Variants in PRDM11 observed in about 807,000 individuals in gnomAD.
The protein encoded by PRDM11 is PR domain-containing protein 11.
Under a neutral mutation model 97.8 loss-of-function variants are expected in PRDM11, and 20 were observed. The observed-to-expected ratio is 0.20, with a 90% CI of 0.14 to 0.30. The LOEUF is 0.30. Among genes scored for constraint, PRDM11 ranks in the 10% least tolerant of loss-of-function variants. The pLI is 1.00. For missense variants in PRDM11, 1,139 were observed against 1,555.2 expected (o/e 0.73, Z 4.50); for synonymous variants, 599 against 637.7 (o/e 0.94, Z 0.91).
chr11:45,135,028 C>T (rs1303404509), intron 1 of PRDM11, among the ~76,000 whole-genome samples: 1 of 151,908 alleles, frequency 6.6e-6, no homozygotes, highest in Non-Finnish European at 1.5e-5. Context: ...CAGTTGTAGA[C>T]CCAGCTACTA....
chr11:45,106,322 AG>A (rs1170933086), intron 1 of PRDM11, among the ~76,000 whole-genome samples: 1 of 152,096 alleles, frequency 6.6e-6, no homozygotes, highest in Admixed American at 6.5e-5. Flanking sequence ...TTCTCGTTGG[AG>A]GCCCTGCCAC....
At chr11:45,224,928 A>G (rs1318359666) in intron 7 of PRDM11, 85 bp downstream of exon 7, 1 of 1,596,998 alleles carries the variant, frequency 6.3e-7, no homozygotes, top group Non-Finnish European at 8.5e-7. Flanking sequence ...CTCTGTGGAA[A>G]CCACCTTCCG....
chr11:45,120,965 T>C (rs1852417653), intron 1 of PRDM11, among the ~76,000 whole-genome samples: 1 of 152,084 alleles, frequency 6.6e-6, no homozygotes, highest in Admixed American at 6.5e-5. Flanking sequence ...GAAGTAACAG[T>C]GCAACCTTAA....
chr11:45,223,720 A>G (rs1204726874), intron 6 of PRDM11, among the ~76,000 whole-genome samples: 2 of 152,176 alleles, frequency 1.3e-5, no homozygotes, highest in African/African-American at 2.4e-5. Context: ...CTGTCTCCAG[A>G]GCAACGAAGG....
intron 1 of PRDM11, among the ~76,000 whole-genome samples, chr11:45,162,249 C>T (rs948230461): frequency 3.3e-5 from 5 of 152,154 alleles, no homozygotes; most frequent in Non-Finnish European, 7.4e-5. Context: ...GTATCGCTCT[C>T]TACACCTGTC....
rs561646182 is a variant in PRDM11, at chr11:45,195,232, A to G, written c.487-9479A>G. On this transcript the variant is annotated intron_variant, in intron 4 of 7. Coordinates refer to ENST00000683152, the MANE Select transcript of PRDM11 (RefSeq NM_001384648.1). Reference sequence around the variant, plus strand: ...TTTATTGAGATGTAATTCACATACTATATAATTCACCCATTTAAAATGTAT... The same window carrying G: ...TTTATTGAGATGTAATTCACATACTGTATAATTCACCCATTTAAAATGTAT... Among the ~76,000 whole-genome samples, 36 of 152,308 alleles carry G rather than the reference A, an allele frequency of 2.4e-4. 1 individual carries two copies. Among genetic ancestry groups the G allele is most frequent in the African/African-American group, 8.7e-4 (36 of 41,574 alleles).
At chr11:45,111,764 G>A (rs570773355) in intron 1 of PRDM11, among the ~76,000 whole-genome samples, 9 of 152,164 alleles carry the variant, frequency 5.9e-5, no homozygotes, top group African/African-American at 1.9e-4. Context: ...CACAACCAGG[G>A]GCCCATTGAG....
At chr11:45,190,346 C>T (rs985532423) in intron 4 of PRDM11, among the ~76,000 whole-genome samples, 2 of 152,008 alleles carry the variant, frequency 1.3e-5, no homozygotes, top group Non-Finnish European at 2.9e-5. Flanking sequence ...TGGGGTTTTA[C>T]TGTGTTACCC....
intron 4 of PRDM11, among the ~76,000 whole-genome samples, chr11:45,201,373 C>T (rs1853320080): frequency 6.6e-6 from 1 of 152,144 alleles, no homozygotes; most frequent in Non-Finnish European, 1.5e-5. Flanking sequence ...TAAGCTGGCT[C>T]CAGCATAGCA....
At chr11:45,140,345 A>G (rs1349389526) in intron 1 of PRDM11, among the ~76,000 whole-genome samples, 4 of 152,218 alleles carry the variant, frequency 2.6e-5, no homozygotes, top group Non-Finnish European at 4.4e-5. Context: ...GTAGTCCCCC[A>G]GGAGTCAAAT....
At chr11:45,183,182 C>T (rs1440130276) in intron 4 of PRDM11, 59 bp downstream of exon 4, 4 of 1,546,808 alleles carry the variant, frequency 2.6e-6, no homozygotes, top group Non-Finnish European at 3.5e-6. Flanking sequence ...AAGGAAACCA[C>T]CAGGGGGAGC....
At chr11:45,154,310 C>T (rs1328562486) in intron 1 of PRDM11, among the ~76,000 whole-genome samples, 5 of 152,098 alleles carry the variant, frequency 3.3e-5, no homozygotes, top group Admixed American at 2.6e-4. Flanking sequence ...GAGCTGAGAT[C>T]GCACCACTGT....
intron 1 of PRDM11, among the ~76,000 whole-genome samples, chr11:45,157,566 A>G (rs12281438): frequency 0.91 from 138,069 of 152,252 alleles, 63,491 homozygotes; most frequent in Non-Finnish European, 0.98. Context: ...ATCCAGGTGT[A>G]TGCTTCCTTT....
chr11:45,137,606 G>C (rs1852897624), intron 1 of PRDM11, among the ~76,000 whole-genome samples: 1 of 152,062 alleles, frequency 6.6e-6, no homozygotes, highest in African/African-American at 2.4e-5. Flanking sequence ...AAATTAGCCG[G>C]GCATGGTGGC....
rs1041642009 is a variant in PRDM11 at position 45,219,805 on chromosome 11, G to A, written c.742+48G>A. The A allele has an allele frequency of 1.1e-5, 18 of 1,567,214 alleles. No homozygotes were observed. In the African/African-American group the frequency reaches 2.3e-4, roughly 20 times the overall value. On this transcript the variant is annotated intron_variant, in intron 6 of 7. Transcript: ENST00000683152. The surrounding 1 kb of genome is among the most constrained non-coding windows in gnomAD (Gnocchi z 4.2). ...GCTGCGCCCACCTCTGAGCCCCAGG[G>A]GAGGCCTGGATAGCTTGTTTTGGAG...
intron 1 of PRDM11, among the ~76,000 whole-genome samples, chr11:45,121,211 TATGAA>T (rs1852423120): frequency 6.6e-6 from 1 of 151,268 alleles, no homozygotes. Context: ...AATAGTATAA[TATGAA>T]ATAATTGTCA....
At chr11:45,096,720 C>G (rs1318932322) in intron 1 of PRDM11, among the ~76,000 whole-genome samples, 1 of 152,188 alleles carries the variant, frequency 6.6e-6, no homozygotes, top group African/African-American at 2.4e-5. Context: ...TGATTATTTC[C>G]TGAGGAGATT....
At chr11:45,164,359 G>A (rs1590396456) in intron 1 of PRDM11, among the ~76,000 whole-genome samples, 1 of 152,276 alleles carries the variant, frequency 6.6e-6, no homozygotes, top group African/African-American at 2.4e-5. Flanking sequence ...GCCAGCCTGA[G>A]CTGTCAGTGC....
chr11:45,183,225 T>G, intron 4 of PRDM11, 102 bp downstream of exon 4: 2 of 1,396,144 alleles, frequency 1.4e-6, no homozygotes, highest in Non-Finnish European at 1.9e-6. Context: ...AGAACTTTTC[T>G]ACCATCGCTT....
Sources: gnomAD v4.1 joint callset for allele counts (sites outside exome capture counted in the v4.1 genomes callset) on GRCh38, gnomAD v4.1.1 for gene constraint, Gnocchi (gnomAD v3.1) non-coding constraint, MANE v1.5 for transcripts, NCBI Gene and HGNC (gene_info 2026-07-23, HGNC 2026-07-21) for gene names.